PGAP6: variants seen among roughly 807,000 people sequenced by gnomAD.
PGAP6 encodes post-GPI attachment to proteins 6.
PGAP6 carries 62 observed loss-of-function variants against 68.4 expected under a neutral mutation model. That is an observed-to-expected ratio of 0.91 (90% confidence interval 0.74 to 1.12). The LOEUF is 1.12. Among genes scored for constraint, PGAP6 ranks in the 50% most tolerant of loss-of-function variants. The probability of loss-of-function intolerance (pLI) is 0.00; values close to 1 mark genes in which losing one functional copy is unlikely to be tolerated. For synonymous variants in PGAP6, 575 were observed against 474.0 expected (o/e 1.21, Z -2.77); for missense variants, 1,188 against 1,068.5 (o/e 1.11, Z -1.56).
In PGAP6 at chr16:372,102, G is replaced by C. The variant is rs1200109370; in HGVS notation, c.2201C>G (p.Ala734Gly). The change falls in exon 13 of 13, where the codon GCC (alanine) becomes GGC (glycine). Residue 734 changes from alanine to glycine, a missense_variant. Coordinates refer to ENST00000431232, the MANE Select transcript of PGAP6 (RefSeq NM_021259.3). ...IWHILLAGSA[A>G]LLLPPPDQPA... ...CTGGTCAGGTGGCGGCAGCAGCAAGGCTGCGCTCCCGGCCAGCAGGATGTG... is the reference window on the plus strand; with the variant it reads ...CTGGTCAGGTGGCGGCAGCAGCAAGCCTGCGCTCCCGGCCAGCAGGATGTG... 2.5e-6 allele frequency: 4 copies of C among 1,612,634 alleles called. No homozygotes were observed. The highest frequency in any genetic ancestry group is 2.5e-6 in the Non-Finnish European group (3 of 1,179,926).
chr16:380,689 G>C (rs1398300157), intron 1 of PGAP6, among the ~76,000 whole-genome samples: 2 of 152,178 alleles, frequency 1.3e-5, no homozygotes, highest in Non-Finnish European at 2.9e-5. Context: ...TCCGGGGCAC[G>C]GTCCTCGGGG....
Position 376,390 on chromosome 16 carries a change from C to A in PGAP6, c.970G>T (p.Ala324Ser). Residue 324 changes from alanine to serine, a missense_variant, in exon 6 of 13, where the codon GCC (alanine) becomes TCC (serine). Coordinates refer to ENST00000431232, the MANE Select transcript of PGAP6 (RefSeq NM_021259.3). ...LQSSQNQSFN[A>S]SSGLLSPSPD... ...CTCGGGGACAGCAGACCAGAGGAGGCATTGAAGCTCTGGTTTTGGCTGCTC... is the reference window on the plus strand; with the variant it reads ...CTCGGGGACAGCAGACCAGAGGAGGAATTGAAGCTCTGGTTTTGGCTGCTC... 6.2e-7 allele frequency: 1 copy of A among 1,606,302 alleles called. No individual in the cohort carries two copies. Among genetic ancestry groups the A allele is most frequent in the East Asian group, 2.2e-5 (1 of 44,740 alleles).
In PGAP6 at chr16:381,976, A is replaced by G. The variant is rs2054444109; in HGVS notation, c.-155T>C. ...GGTCCCCGCCGCCGTCGCCCCGGGC[A>G]CTTCCGCCCGCAGGCCCCGCCCCGC... On this transcript the variant is annotated 5_prime_UTR_variant, in exon 1 of 13. Transcript: ENST00000431232. The G allele has an allele frequency of 1.0e-6, 1 of 960,978 alleles. No homozygotes were observed. Among genetic ancestry groups the G allele is most frequent in the Non-Finnish European group, 1.2e-6 (1 of 809,420 alleles). The allele number at this position is 960,978 out of a possible 1,614,324, so 59.5% of individuals were successfully genotyped here. A position where few individuals can be genotyped will look rare whatever the true frequency, so the allele number is the denominator to read the frequency against.
Position 376,278 on chromosome 16 carries a change from A to G in PGAP6, c.1082T>C (p.Met361Thr), listed in dbSNP as rs1193752910. ...LTNYPVTREDMDVVSVHFQPL... is the reference protein window; with the variant it reads ...LTNYPVTREDTDVVSVHFQPL... ...CTGGAAGTGCACCGACACCACGTCCATGTCCTCCCGCGTGACTGGGTAGTT... is the reference window on the plus strand; with the variant it reads ...CTGGAAGTGCACCGACACCACGTCCGTGTCCTCCCGCGTGACTGGGTAGTT... Residue 361 changes from methionine to threonine, a missense_variant, in exon 6 of 13, where the codon ATG becomes ACG. Transcript: ENST00000431232. 4.3e-6 allele frequency: 7 copies of G among 1,612,642 alleles called. No homozygotes were observed. Among genetic ancestry groups the G allele is most frequent in the African/African-American group, 4.0e-5 (3 of 74,888 alleles).
chr16:374,092 C>G lies in PGAP6; in HGVS notation c.1815G>C (p.Thr605=). Residue 605 remains threonine (T), a synonymous_variant, in exon 11 of 13, where the codon ACG becomes ACC. Transcript: ENST00000431232. ...EAVLCILSYD[T]LQYCDFLGSG... is the part of the protein sequence containing the mutation. ...AGCCCAAGAAGTCGCAGTACTGCAG[C>G]GTGTCGTAGCTGAGGATGCACAGCA... 1 of 1,611,920 alleles carries G rather than the reference C, an allele frequency of 6.2e-7. No homozygotes were observed. The highest frequency in any genetic ancestry group is 8.5e-7 in the Non-Finnish European group (1 of 1,179,956).
In PGAP6 at chr16:374,783, G is replaced by C. The variant is rs1274265618; in HGVS notation, c.1549C>G (p.Leu517Val). The C allele has an allele frequency of 1.2e-6, 2 of 1,612,792 alleles. No homozygotes were observed. The highest frequency in any genetic ancestry group is 1.7e-6 in the Non-Finnish European group (2 of 1,179,936). The change falls in exon 9 of 13, where the codon CTG (leucine) becomes GTG (valine). Residue 517 changes from leucine to valine, a missense_variant. By Grantham distance (32) the Leu-to-Val change is conservative. Transcript: ENST00000431232. Reference sequence around the variant, plus strand: ...GCCTTGCAGCTGCAGCTGGCATACAGGTAGCTGTGTCTGCGGAGCAGGAGG... The same window carrying C: ...GCCTTGCAGCTGCAGCTGGCATACACGTAGCTGTGTCTGCGGAGCAGGAGG... ...QCLLLRRHSY[L>V]YASCSCKAGW...
chr16:383,545 C>T (rs2054462496), upstream of PGAP6: 1 of 152,260 alleles, frequency 6.6e-6, no homozygotes. Context: ...CTAAACGAGA[C>T]AGAGCGTGGC....
chr16:377,440 C>A lies in PGAP6; in HGVS notation c.445G>T (p.Ala149Ser), dbSNP rs771048151. ...SNASVNVSHP[A>S]PGDWFVAAHL... is the part of the protein sequence containing the mutation. ...GCGGCCACGAACCAGTCCCCGGGGGCCGGGTGGGAAACGTTGACGGAGGCA... is the reference window on the plus strand; with the variant it reads ...GCGGCCACGAACCAGTCCCCGGGGGACGGGTGGGAAACGTTGACGGAGGCA... The change falls in exon 3 of 13, where the codon GCC becomes TCC. Residue 149 changes from alanine to serine, a missense_variant. Physicochemically the swap from Ala to Ser is moderately conservative, Grantham distance 99. Transcript: ENST00000431232. The A allele has an allele frequency of 6.2e-7, 1 of 1,610,444 alleles. No homozygotes were observed. The highest frequency in any genetic ancestry group is 2.2e-5 in the East Asian group (1 of 44,810).
At chr16:386,099 A>G (rs1054430293), upstream of PGAP6, among the ~76,000 whole-genome samples, 1 of 152,148 alleles carries the variant, frequency 6.6e-6, no homozygotes, top group African/African-American at 2.4e-5. Flanking sequence ...GGGTGAGGGT[A>G]GACTCCAGCT....
At chr16:382,462 C>G, upstream of PGAP6, 1 of 373,748 alleles carries the variant, frequency 2.7e-6, no homozygotes, top group Non-Finnish European at 4.8e-6. Flanking sequence ...GCCTTCACGC[C>G]GCAGAGCCGC....
chr16:380,469 C>G (rs2003830), intron 1 of PGAP6, among the ~76,000 whole-genome samples: 68,654 of 151,612 alleles, frequency 0.45, 15,765 homozygotes, highest in South Asian at 0.56. Flanking sequence ...CGGGTTCAAG[C>G]GATTCTCCTG....
chr16:376,416 T>C lies in PGAP6; in HGVS notation c.944A>G (p.Gln315Arg). 1.9e-6 allele frequency: 3 copies of C among 1,594,996 alleles called. No individual in the cohort carries two copies. Among genetic ancestry groups the C allele is most frequent in the Non-Finnish European group, 2.6e-6 (3 of 1,169,116 alleles). Residue 315 changes from glutamine to arginine, a missense_variant, in exon 6 of 13, where the codon CAG becomes CGG. Coordinates refer to ENST00000431232, the MANE Select transcript of PGAP6 (RefSeq NM_021259.3). ...PRSVTIQPLLQSSQNQSFNAS... is the reference protein window; with the variant it reads ...PRSVTIQPLLRSSQNQSFNAS... Reference sequence around the variant, plus strand: ...ATTGAAGCTCTGGTTTTGGCTGCTCTGCAGAAGGGGCTGGATGGTCACGCT... The same window carrying C: ...ATTGAAGCTCTGGTTTTGGCTGCTCCGCAGAAGGGGCTGGATGGTCACGCT...
rs560689099 is a variant in PGAP6, at chr16:377,042, G to A, written c.630C>T (p.Tyr210=). ...CCCCCCAGGCCCCCGCTCACTTGAG[G>A]TAGCTGGGATGGGAGAGGAGGGTCT... ...LPQTLLSHPS[Y]LKVFVPDYTR... is the part of the protein sequence containing the mutation. Residue 210 remains tyrosine (Y), a synonymous_variant, in exon 4 of 13, where the codon TAC becomes TAT. Transcript: ENST00000431232. The A allele has an allele frequency of 1.2e-6, 2 of 1,612,992 alleles. No homozygotes were observed. The highest frequency in any genetic ancestry group is 2.2e-5 in the East Asian group (1 of 44,882).
At chr16:374,558 C>T (rs1238694484) in intron 9 of PGAP6, among the ~76,000 whole-genome samples, 159 bp from the exon 10 acceptor site, 2 of 151,862 alleles carry the variant, frequency 1.3e-5, no homozygotes, top group African/African-American at 4.8e-5. Context: ...TACCACCCCC[C>T]GGGGATACCT....
In PGAP6 at chr16:377,409, A is replaced by C; in HGVS notation, c.476T>G (p.Leu159Arg). 6.2e-7 allele frequency: 1 copy of C among 1,605,964 alleles called. No homozygotes were observed. The highest frequency in any genetic ancestry group is 8.5e-7 in the Non-Finnish European group (1 of 1,176,196). The change falls in exon 3 of 13, where the codon CTG becomes CGG. Residue 159 changes from leucine to arginine, a missense_variant. Transcript: ENST00000431232. ...APGDWFVAAHLPPSSQKIELK... is the reference protein window; with the variant it reads ...APGDWFVAAHRPPSSQKIELK... Reference sequence around the variant, plus strand: ...CTCGATCTTCTGGGATGAGGGGGGCAGGTGGGCGGCCACGAACCAGTCCCC... The same window carrying C: ...CTCGATCTTCTGGGATGAGGGGGGCCGGTGGGCGGCCACGAACCAGTCCCC...
chr16:373,879 G>T, intron 11 of PGAP6, 126 bp downstream of exon 11: 1 of 1,224,118 alleles, frequency 8.2e-7, no homozygotes, highest in Non-Finnish European at 1.1e-6. Flanking sequence ...GCTCGGCCGA[G>T]ATGTGAGGTT....
chr16:380,814 G>A (rs936606653), intron 1 of PGAP6, among the ~76,000 whole-genome samples: 1 of 152,130 alleles, frequency 6.6e-6, no homozygotes, highest in Non-Finnish European at 1.5e-5. Context: ...GGAGGGGCTG[G>A]GGGCCGGGAA....
Position 375,195 on chromosome 16 carries a change from G to T in PGAP6, c.1377C>A (p.Ile459=), listed in dbSNP as rs1192420557. 4 of 1,613,368 alleles carry T rather than the reference G, an allele frequency of 2.5e-6. No individual in the cohort carries two copies. The highest frequency in any genetic ancestry group is 1.7e-5 in the Admixed American group (1 of 60,000). The part of the protein sequence containing the change: ...SAWSRRANLI[I]PYPETDNWYL... ...ACCAGTTGTCTGTCTCTGGGTAGGG[G>T]ATGATGAGGTTGGCCCTGCGAGACC... Residue 459 remains isoleucine (I), a synonymous_variant, in exon 8 of 13, where the codon ATC becomes ATA. Transcript: ENST00000431232.
chr16:385,661 G>C (rs1314522717), upstream of PGAP6, among the ~76,000 whole-genome samples: 1 of 101,204 alleles, frequency 9.9e-6, no homozygotes, highest in Non-Finnish European at 1.8e-5. Context: ...ATCTCGCTCT[G>C]TCGCCCAGGC....
Sources: allele counts gnomAD v4.1 joint callset (sites outside exome capture counted in the v4.1 genomes callset), GRCh38; gene constraint gnomAD v4.1.1; transcripts MANE v1.5; gene names NCBI Gene and HGNC (gene_info 2026-07-23, HGNC 2026-07-21).